The following SUGCT variants were observed in gnomAD, a reference collection of about 807,000 sequenced individuals.
SUGCT encodes the protein succinyl-CoA:glutarate-CoA transferase, also known as succinyl-CoA:glutarate CoA-transferase.
SUGCT carries 41 observed loss-of-function variants against 55.0 expected under a neutral mutation model. The ratio of observed to expected loss-of-function variants is 0.74; its 90% CI spans 0.58 to 0.97. The LOEUF (loss-of-function observed/expected upper bound fraction) is 0.97, where lower values mean the gene tolerates loss of function less well. Ranked by LOEUF, SUGCT falls within the 50% of genes least tolerant of loss-of-function variation. The pLI, the probability that SUGCT is intolerant of heterozygous loss-of-function variation, is 0.00. For missense variants in SUGCT, 568 were observed against 547.8 expected (o/e 1.04, Z -0.37); for synonymous variants, 187 against 200.4 (o/e 0.93, Z 0.56).
the SUGCT span, among the ~76,000 whole-genome samples, chr7:40,946,771 C>T: frequency 6.6e-6 from 1 of 152,128 alleles, no homozygotes; most frequent in African/African-American, 2.4e-5. Context: ...TGTCATTCCA[C>T]TGATTTCTGG....
chr7:40,322,924 C>T (rs1194779182), intron 9 of SUGCT, among the ~76,000 whole-genome samples: 1 of 149,320 alleles, frequency 6.7e-6, no homozygotes, highest in African/African-American at 2.5e-5. Context: ...GTGATTGCAC[C>T]ACTGTACTCT....
intron 12 of SUGCT, among the ~76,000 whole-genome samples, chr7:40,549,791 G>C (rs895959415): frequency 1.3e-5 from 2 of 152,154 alleles, no homozygotes; most frequent in Non-Finnish European, 2.9e-5. Context: ...AGTTGTTGAA[G>C]AGTCTTGTGT....
chr7:40,600,368 A>C (rs1264915723), intron 12 of SUGCT, among the ~76,000 whole-genome samples: 1 of 152,214 alleles, frequency 6.6e-6, no homozygotes, highest in African/African-American at 2.4e-5. Context: ...CCCAAATCCC[A>C]GGCATCATTG....
At chr7:40,347,593 C>T (rs566288136) in intron 9 of SUGCT, among the ~76,000 whole-genome samples, 1 of 152,300 alleles carries the variant, frequency 6.6e-6, no homozygotes, top group Non-Finnish European at 1.5e-5. Flanking sequence ...GAAAAATTCT[C>T]ATTCTGTCCC....
At chr7:40,316,645 G>GT (rs919024102) in intron 8 of SUGCT, 115 bp from the exon 9 acceptor site, 2 of 636,468 alleles carry the variant, frequency 3.1e-6, no homozygotes, top group Admixed American at 3.2e-5. Context: ...TGATGGACAG[G>GT]TTTTTTTCTT....
At chr7:40,325,565 G>A (rs989610507) in intron 9 of SUGCT, among the ~76,000 whole-genome samples, 2 of 152,188 alleles carry the variant, frequency 1.3e-5, no homozygotes, top group Admixed American at 6.5e-5. Flanking sequence ...GAATAAATAG[G>A]AACCATGGAT....
chr7:40,598,022 T>G (rs1329253174), intron 12 of SUGCT, among the ~76,000 whole-genome samples: 1 of 152,202 alleles, frequency 6.6e-6, no homozygotes, highest in African/African-American at 2.4e-5. Context: ...CATATTAGCA[T>G]GCTTCTGCCT....
At chr7:40,753,590 A>G (rs1788121209) in intron 13 of SUGCT, among the ~76,000 whole-genome samples, 1 of 152,190 alleles carries the variant, frequency 6.6e-6, no homozygotes, top group African/African-American at 2.4e-5. Flanking sequence ...TCTTGCAACC[A>G]GTACTGAATT....
chr7:40,168,384 C>T (rs1410304736), intron 1 of SUGCT, among the ~76,000 whole-genome samples: 1 of 152,190 alleles, frequency 6.6e-6, no homozygotes, highest in Non-Finnish European at 1.5e-5. Context: ...TGCTAGCAGG[C>T]TGGTCCAGGG....
At chr7:40,765,632 C>T (rs745687233) in intron 13 of SUGCT, among the ~76,000 whole-genome samples, 1 of 152,004 alleles carries the variant, frequency 6.6e-6, no homozygotes, top group Non-Finnish European at 1.5e-5. Flanking sequence ...ATATAAATTG[C>T]CAATTATGTT....
At chr7:40,536,089 G>T (rs573207112) in intron 12 of SUGCT, among the ~76,000 whole-genome samples, 4 of 152,254 alleles carry the variant, frequency 2.6e-5, no homozygotes, top group African/African-American at 9.6e-5. Flanking sequence ...CGAATGCATG[G>T]TTTGCAAATA....
At chr7:40,825,844 G>A (rs529692476) in intron 13 of SUGCT, among the ~76,000 whole-genome samples, 16 of 152,220 alleles carry the variant, frequency 1.1e-4, no homozygotes, top group East Asian at 9.7e-4. Context: ...ATAGAAACTC[G>A]TATTTCAATG....
intron 12 of SUGCT, among the ~76,000 whole-genome samples, chr7:40,658,169 C>T (rs541414185): frequency 1.3e-5 from 2 of 152,268 alleles, no homozygotes; most frequent in Non-Finnish European, 1.5e-5. Context: ...TCTAGGCCTT[C>T]TGTCTGTTGG....
At chr7:40,883,494 G>A in the SUGCT span, among the ~76,000 whole-genome samples, 2 of 152,154 alleles carry the variant, frequency 1.3e-5, no homozygotes, top group African/African-American at 2.4e-5. Context: ...TATTCTGTAT[G>A]AACTTAGAAA....
At chr7:40,491,436 G>T (rs1359262435) in intron 11 of SUGCT, among the ~76,000 whole-genome samples, 1 of 152,088 alleles carries the variant, frequency 6.6e-6, no homozygotes, top group Non-Finnish European at 1.5e-5. Context: ...TCTGGCAAGT[G>T]AGGAATCCTA....
At position 40,266,400 on chromosome 7, in the gene SUGCT, C is replaced by T. The variant is rs183484679; in HGVS notation, c.577-8113C>T. Among the ~76,000 whole-genome samples the T allele has an allele frequency of 1.1e-4, 16 of 151,772 alleles. No individual in the cohort carries two copies. The East Asian group carries it at 1.2e-3, about 11-fold the overall frequency. Reference sequence around the variant, plus strand: ...CTGACCTCGGGTGATCTGCCCGCCTCGGCCTCCCAAAGTGCTGGGATTACA... The same window carrying T: ...CTGACCTCGGGTGATCTGCCCGCCTTGGCCTCCCAAAGTGCTGGGATTACA... On this transcript the variant is annotated intron_variant, in intron 7 of 13. Coordinates refer to ENST00000335693, the MANE Select transcript of SUGCT (RefSeq NM_001193313.2).
At chr7:40,455,555 T>TCC (rs1789438349) in intron 10 of SUGCT, among the ~76,000 whole-genome samples, 11 of 152,202 alleles carry the variant, frequency 7.2e-5, no homozygotes, top group Admixed American at 7.2e-4. Context: ...AGTGGGGCTA[T>TCC]ATTAATTATG....
rs573267565 is a variant in SUGCT at position 40,162,700 on chromosome 7, T to C, written c.101-18247T>C. Among the ~76,000 whole-genome samples, 5 of 152,302 alleles carry C rather than the reference T, an allele frequency of 3.3e-5. No homozygotes were observed. In the South Asian group the frequency reaches 6.2e-4, roughly 19 times the overall value. On this transcript the variant is annotated intron_variant, in intron 1 of 13. Transcript: ENST00000335693. ...ATGGCATCTTGCTATGTTGTGCTGG[T>C]TGGTCTCAAACTCCAGGGCTCAAGT...
intron 6 of SUGCT, among the ~76,000 whole-genome samples, chr7:40,215,042 A>G (rs1787545626): frequency 6.6e-6 from 1 of 152,216 alleles, no homozygotes; most frequent in Non-Finnish European, 1.5e-5. Flanking sequence ...TGAGAGAAAT[A>G]ACTGAGAAAG....
Sources: allele counts gnomAD v4.1 joint callset (sites outside exome capture counted in the v4.1 genomes callset), GRCh38; gene constraint gnomAD v4.1.1; transcripts MANE v1.5; gene names NCBI Gene and HGNC (gene_info 2026-07-23, HGNC 2026-07-21).